SLC7A14: variants seen among roughly 807,000 people sequenced by gnomAD.
SLC7A14 encodes gamma-aminobutyric acid transporter SLC7A14.
Under a neutral mutation model 60.2 loss-of-function variants are expected in SLC7A14, and 37 were observed. The ratio of observed to expected loss-of-function variants is 0.61; its 90% CI spans 0.47 to 0.81. The LOEUF is 0.81. Among genes scored for constraint, SLC7A14 ranks in the 30% least tolerant of loss-of-function variants. The pLI is 0.00. For missense variants in SLC7A14, 886 were observed against 982.7 expected (o/e 0.90, Z 1.32); for synonymous variants, 399 against 395.8 (o/e 1.01, Z -0.10).
chr3:170,516,696 G>A (rs1030619977), intron 2 of SLC7A14, among the ~76,000 whole-genome samples: 6 of 152,162 alleles, frequency 3.9e-5, no homozygotes, highest in Non-Finnish European at 8.8e-5. Flanking sequence ...GGGCCCAGGA[G>A]TTTGAGGCTG....
intron 1 of SLC7A14, among the ~76,000 whole-genome samples, chr3:170,555,401 A>G (rs1049233541): frequency 1.3e-5 from 2 of 152,186 alleles, no homozygotes; most frequent in African/African-American, 4.8e-5. Flanking sequence ...ACTTATCATT[A>G]TATTAAGAAC....
chr3:170,474,552 G>A (rs1057270854), intron 7 of SLC7A14, among the ~76,000 whole-genome samples: 3 of 151,824 alleles, frequency 2.0e-5, no homozygotes, highest in East Asian at 3.9e-4. Flanking sequence ...GGAAGAGCCC[G>A]TTTTTTTTTC....
intron 2 of SLC7A14, among the ~76,000 whole-genome samples, chr3:170,508,919 C>T (rs895942317): frequency 3.9e-5 from 6 of 152,138 alleles, no homozygotes; most frequent in Non-Finnish European, 8.8e-5. Flanking sequence ...AATGCAGTGT[C>T]CCCATTATTG....
intron 2 of SLC7A14, among the ~76,000 whole-genome samples, chr3:170,517,631 CA>C (rs965770314): frequency 6.6e-5 from 10 of 152,112 alleles, no homozygotes; most frequent in Non-Finnish European, 1.2e-4. Context: ...AACTCAAACC[CA>C]AGATGAATAC....
intron 7 of SLC7A14, among the ~76,000 whole-genome samples, chr3:170,468,954 C>A (rs1739802063): frequency 6.6e-6 from 1 of 152,196 alleles, no homozygotes; most frequent in Non-Finnish European, 1.5e-5. Flanking sequence ...AATTAGTCTG[C>A]AGTATAACCC....
At chr3:170,486,648 T>C (rs553456689) in intron 4 of SLC7A14, among the ~76,000 whole-genome samples, 12 of 151,916 alleles carry the variant, frequency 7.9e-5, no homozygotes, top group East Asian at 5.8e-4. Flanking sequence ...CCGATGGGGG[T>C]GGATCACGAG....
chr3:170,541,799 C>A (rs1437038496), intron 1 of SLC7A14, among the ~76,000 whole-genome samples: 1 of 152,044 alleles, frequency 6.6e-6, no homozygotes, highest in Non-Finnish European at 1.5e-5. Context: ...TTGCAAAAAA[C>A]CACAGTTACT....
intron 5 of SLC7A14, among the ~76,000 whole-genome samples, chr3:170,485,574 C>T (rs9872456): frequency 0.02 from 2,983 of 152,102 alleles, 96 homozygotes; most frequent in African/African-American, 0.062. Flanking sequence ...ATGGGAGCTC[C>T]GAGAGCAAGC....
Position 170,542,420 on chromosome 3 carries a change from A to G in SLC7A14, c.-152-15332T>C, listed in dbSNP as rs922762394. On this transcript the variant is annotated intron_variant, in intron 1 of 7. Coordinates refer to ENST00000231706, the MANE Select transcript of SLC7A14 (RefSeq NM_020949.3). ...GCACCCACCGGCACCAGGCCACTCT[A>G]TAGCTACTCTCTCCTGGACTGTGTC... 8.5e-5 allele frequency among the ~76,000 whole-genome samples: 13 copies of G among 152,302 alleles called. No individual in the cohort carries two copies. In the East Asian group the frequency reaches 2.3e-3, roughly 27 times the overall value.
At chr3:170,545,280 C>T (rs1477642660) in intron 1 of SLC7A14, among the ~76,000 whole-genome samples, 1 of 152,142 alleles carries the variant, frequency 6.6e-6, no homozygotes, top group African/African-American at 2.4e-5. Context: ...CTCTGGTCAC[C>T]AGCAGTGAAC....
intron 1 of SLC7A14, among the ~76,000 whole-genome samples, chr3:170,545,949 G>A (rs1394432459): frequency 6.6e-6 from 1 of 152,190 alleles, no homozygotes; most frequent in Non-Finnish European, 1.5e-5. Flanking sequence ...GCCTTCCTCT[G>A]CTGCCCTTTA....
chr3:170,575,479 G>A (rs548422516), intron 1 of SLC7A14, among the ~76,000 whole-genome samples: 9 of 152,352 alleles, frequency 5.9e-5, no homozygotes, highest in Admixed American at 5.9e-4. Flanking sequence ...AGCTCAGAAT[G>A]TAGAAGCAGG....
At position 170,464,068 on chromosome 3, in the gene SLC7A14, A is replaced by G. The variant is rs1348595106; in HGVS notation, c.*2987T>C. On this transcript the variant is annotated 3_prime_UTR_variant, in exon 8 of 8. Transcript: ENST00000231706. Reference sequence around the variant, plus strand: ...AGGGTTCTGCATTTATGTACTAAATATACGTCTAGTTTTGTCTTATCCTTT... The same window carrying G: ...AGGGTTCTGCATTTATGTACTAAATGTACGTCTAGTTTTGTCTTATCCTTT... 2 of 152,246 alleles carry G rather than the reference A, an allele frequency of 1.3e-5. No homozygotes were observed. Among genetic ancestry groups the G allele is most frequent in the Non-Finnish European group, 2.9e-5 (2 of 68,038 alleles). The allele number at this position is 152,246 out of a possible 1,614,324, so 9.4% of individuals were successfully genotyped here. A position where few individuals can be genotyped will look rare whatever the true frequency, so the allele number is the denominator to read the frequency against.
At position 170,466,620 on chromosome 3, in the gene SLC7A14, T is replaced by C. The variant is rs1739727278; in HGVS notation, c.*435A>G. On this transcript the variant is annotated 3_prime_UTR_variant, in exon 8 of 8. Transcript: ENST00000231706. ...CTTGCTCAGGAAGTGCCAATGCCCA[T>C]CTACCCACCCTGACCTCGGGGAGCA... is the stretch of plus-strand genomic sequence containing the variant. 1 of 155,702 alleles carries C rather than the reference T, an allele frequency of 6.4e-6. No individual in the cohort carries two copies. The highest frequency in any genetic ancestry group is 1.4e-5 in the Non-Finnish European group (1 of 70,640). 9.6% of individuals were successfully genotyped at this position (155,702 alleles called of 1,614,324 possible). A position where few individuals can be genotyped will look rare whatever the true frequency, so the allele number is the denominator to read the frequency against.
chr3:170,553,394 T>G (rs1032888373), intron 1 of SLC7A14, among the ~76,000 whole-genome samples: 9 of 152,202 alleles, frequency 5.9e-5, no homozygotes, highest in Non-Finnish European at 1.3e-4. Flanking sequence ...TATGCCCTTA[T>G]TTGAGATGAT....
intron 5 of SLC7A14, 78 bp from the exon 6 acceptor site, chr3:170,483,600 A>AC: frequency 6.6e-7 from 1 of 1,507,728 alleles, no homozygotes; most frequent in South Asian, 1.1e-5. Flanking sequence ...GAGAGGAAAG[A>AC]GCCCTGCCCC....
At chr3:170,517,745 C>T (rs896713627) in intron 2 of SLC7A14, among the ~76,000 whole-genome samples, 2 of 152,330 alleles carry the variant, frequency 1.3e-5, no homozygotes, top group East Asian at 3.9e-4. Context: ...TCTCTGTTCT[C>T]TTACCTCCTC....
intron 6 of SLC7A14, among the ~76,000 whole-genome samples, chr3:170,483,080 C>T (rs368137183): frequency 1.3e-5 from 2 of 152,020 alleles, no homozygotes; most frequent in East Asian, 3.9e-4. Context: ...GGAGGGAGGA[C>T]AGTGGGGGGA....
intron 1 of SLC7A14, among the ~76,000 whole-genome samples, chr3:170,556,212 A>G (rs761529935): frequency 6.6e-6 from 1 of 152,222 alleles, no homozygotes; most frequent in Non-Finnish European, 1.5e-5. Context: ...CTTAGCTAAC[A>G]TGTATCTAAG....
Sources: gnomAD v4.1 joint callset for allele counts (sites outside exome capture counted in the v4.1 genomes callset) on GRCh38, gnomAD v4.1.1 for gene constraint, MANE v1.5 for transcripts, NCBI Gene and HGNC (gene_info 2026-07-23, HGNC 2026-07-21) for gene names.